The following COX4I2 variants were observed in gnomAD, a reference collection of about 807,000 sequenced individuals.
COX4I2 encodes cytochrome c oxidase subunit 4 isoform 2, mitochondrial.
Under a neutral mutation model 20.8 loss-of-function variants are expected in COX4I2, and 15 were observed. That is an observed-to-expected ratio of 0.72 (90% CI 0.48 to 1.11). The LOEUF (loss-of-function observed/expected upper bound fraction) is 1.11. Ranked by LOEUF, COX4I2 falls within the 50% of genes most tolerant of loss-of-function variation. The probability of loss-of-function intolerance (pLI) is 0.00; values close to 1 mark genes in which losing one functional copy is unlikely to be tolerated. For synonymous variants in COX4I2, 80 were observed against 78.1 expected (o/e 1.02, Z -0.13); for missense variants, 224 against 223.0 (o/e 1.00, Z -0.03).
chr20:31,640,902 G>A (rs1235685528), intron 3 of COX4I2, among the ~76,000 whole-genome samples: 1 of 151,238 alleles, frequency 6.6e-6, no homozygotes, highest in Non-Finnish European at 1.5e-5. Context: ...CTGTGAGCTT[G>A]CATTTCCAGC....
At chr20:31,640,487 G>A (rs1423004572) in intron 3 of COX4I2, among the ~76,000 whole-genome samples, 1 of 152,152 alleles carries the variant, frequency 6.6e-6, no homozygotes, top group Non-Finnish European at 1.5e-5. Context: ...GCCTTTAAGG[G>A]TGAAGAGGAG....
At chr20:31,643,776 A>G (rs1044835094) in intron 4 of COX4I2, among the ~76,000 whole-genome samples, 1 of 152,194 alleles carries the variant, frequency 6.6e-6, no homozygotes, top group Non-Finnish European at 1.5e-5. Flanking sequence ...CAGGGTACTT[A>G]AGAGGATTTT....
intron 1 of COX4I2, 59 bp from the exon 2 acceptor site, chr20:31,638,959 C>A: frequency 2.6e-6 from 4 of 1,522,190 alleles, no homozygotes; most frequent in Non-Finnish European, 3.6e-6. Flanking sequence ...TCTGGCCCTG[C>A]GGTTTGGGGG....
intron 3 of COX4I2, 125 bp downstream of exon 3, chr20:31,640,222 AGG>A: frequency 2.0e-6 from 2 of 983,348 alleles, no homozygotes; most frequent in Non-Finnish European, 3.0e-6. Flanking sequence ...CAAACACCTG[AGG>A]GGTGAAGTTC....
chr20:31,639,670 G>C (rs75074547), intron 2 of COX4I2, among the ~76,000 whole-genome samples: 3,635 of 149,870 alleles, frequency 0.024, 144 homozygotes, highest in African/African-American at 0.084. Flanking sequence ...CAATTCTCCT[G>C]ACTCAGCCTC....
In COX4I2 at chr20:31,640,992, C is replaced by CACACACAT. The variant is rs1555854297; in HGVS notation, c.247+898_247+899insCACATACA. ...ACACACACACACACACACACACACA[C>CACACACAT]ACATCTTGGTTTTTTCTTCATCCAT... On this transcript the variant is annotated intron_variant, in intron 3 of 4. Coordinates refer to ENST00000376075, the MANE Select transcript of COX4I2 (RefSeq NM_032609.3). Among the ~76,000 whole-genome samples, 14 of 149,114 alleles carry CACACACAT rather than the reference C, an allele frequency of 9.4e-5. No individual in the cohort carries two copies. The Admixed American group carries it at 9.4e-4, about 10-fold the overall frequency.
chr20:31,641,238 G>A lies in COX4I2; in HGVS notation c.247+1141G>A, dbSNP rs1008931673. Among the ~76,000 whole-genome samples the A allele has an allele frequency of 7.2e-5, 11 of 151,848 alleles. No homozygotes were observed. In the East Asian group the frequency reaches 7.7e-4, roughly 11 times the overall value. ...CTGAGCATGGTGGCACATGCCTGTC[G>A]TCCCAGCTATTTGGGAGGCTGAGGC... On this transcript the variant is annotated intron_variant, in intron 3 of 4. Transcript: ENST00000376075.
At chr20:31,642,826 C>T (rs917489896) in intron 3 of COX4I2, among the ~76,000 whole-genome samples, 1 of 152,126 alleles carries the variant, frequency 6.6e-6, no homozygotes, top group Admixed American at 6.6e-5. Flanking sequence ...AAGCAATCCA[C>T]CCGTCTTGGT....
At chr20:31,643,111 C>T (rs1265322187) in intron 3 of COX4I2, among the ~76,000 whole-genome samples, 2 of 152,178 alleles carry the variant, frequency 1.3e-5, no homozygotes, top group Non-Finnish European at 2.9e-5. Flanking sequence ...CAACTTTCTC[C>T]CATTGATTTT....
intron 4 of COX4I2, among the ~76,000 whole-genome samples, chr20:31,644,496 G>A (rs1031242480): frequency 1.3e-5 from 2 of 152,206 alleles, no homozygotes; most frequent in Non-Finnish European, 2.9e-5. Flanking sequence ...TGACTGAGTT[G>A]TGAAGGACCT....
At chr20:31,642,264 A>G (rs1020666550) in intron 3 of COX4I2, among the ~76,000 whole-genome samples, 18 of 151,914 alleles carry the variant, frequency 1.2e-4, no homozygotes, top group Non-Finnish European at 2.5e-4. Context: ...AGTGGCCTCC[A>G]CTGGTTGATT....
intron 4 of COX4I2, 93 bp from the exon 5 acceptor site, chr20:31,644,675 T>C: frequency 6.9e-7 from 1 of 1,450,188 alleles, no homozygotes; most frequent in South Asian, 1.2e-5. Flanking sequence ...CCGTCAGCCT[T>C]GCGAGTGGCT....
At chr20:31,640,121 T>C in intron 3 of COX4I2, 24 bp downstream of exon 3, 1 of 1,588,832 alleles carries the variant, frequency 6.3e-7, no homozygotes, top group Non-Finnish European at 8.5e-7. Context: ...TGGGGCTGGC[T>C]GGAGAGAGTG....
intron 2 of COX4I2, chr20:31,639,376 T>C (rs1343579974): frequency 1.4e-6 from 1 of 738,900 alleles, no homozygotes; most frequent in African/African-American, 1.9e-5. Flanking sequence ...TGGAGGATGC[T>C]GACAGAACCT....
At chr20:31,638,871 G>A in intron 1 of COX4I2, 147 bp from the exon 2 acceptor site, 1 of 853,214 alleles carries the variant, frequency 1.2e-6, no homozygotes, top group Non-Finnish European at 1.9e-6. Context: ...AAAATTAGAA[G>A]GGTCAAGGGC....
chr20:31,644,882 A>C lies in COX4I2; in HGVS notation c.494A>C (p.Glu165Ala). Residue 165 changes from glutamate to alanine, a missense_variant, in exon 5 of 5, where the codon GAG becomes GCG. Coordinates refer to ENST00000376075, the MANE Select transcript of COX4I2 (RefSeq NM_032609.3). ...VQGLASRWDY[E>A]KKQWKK ...GGCCTGGCCTCCCGCTGGGACTATG[A>C]GAAGAAGCAGTGGAAGAAGTGACTT... 1 of 1,614,010 alleles carries C rather than the reference A, an allele frequency of 6.2e-7. No individual in the cohort carries two copies. The highest frequency in any genetic ancestry group is 1.3e-5 in the African/African-American group (1 of 75,040).
At position 31,640,085 on chromosome 20, in the gene COX4I2, GA is replaced by G; in HGVS notation, c.239del (p.Lys80ArgfsTer16). 6.2e-7 allele frequency: 1 copy of G among 1,610,268 alleles called. No individual in the cohort carries two copies. The highest frequency in any genetic ancestry group is 1.1e-5 in the South Asian group (1 of 90,926). On this transcript the variant is annotated frameshift_variant, in exon 3 of 5. Transcript: ENST00000376075. LOFTEE classifies it high-confidence loss of function. ...AAGCTGGACCCAGCTGACCCACGCCGAAAAGGTGGCCTGTAAGTGTCAGGGT... is the reference window on the plus strand; with the variant it reads ...AAGCTGGACCCAGCTGACCCACGCCGAAAGGTGGCCTGTAAGTGTCAGGGT... Reference protein sequence around the residue: ...KGSWTQLTHAEKVALYRLQFN... With the variant: ...KGSWTQLTHAXKVALYRLQFN...
intron 1 of COX4I2, 111 bp from the exon 2 acceptor site, chr20:31,638,907 A>G: frequency 8.8e-7 from 1 of 1,131,066 alleles, no homozygotes; most frequent in Non-Finnish European, 1.3e-6. Context: ...AAACACTGGG[A>G]CACCCCTACC....
chr20:31,644,241 T>C (rs2060483796), intron 4 of COX4I2, among the ~76,000 whole-genome samples: 1 of 152,192 alleles, frequency 6.6e-6, no homozygotes, highest in Non-Finnish European at 1.5e-5. Context: ...ATTATATAAT[T>C]ATAGTAGGTA....
Sources: gnomAD v4.1 joint callset for allele counts (sites outside exome capture counted in the v4.1 genomes callset) on GRCh38, gnomAD v4.1.1 for gene constraint, MANE v1.5 for transcripts, NCBI Gene and HGNC (gene_info 2026-07-23, HGNC 2026-07-21) for gene names.